Variants in TSPAN18 observed in about 807,000 individuals in gnomAD.
The protein encoded by TSPAN18 is tetraspanin 18.
Under a neutral mutation model 27.3 loss-of-function variants are expected in TSPAN18, and 14 were observed. The ratio of observed to expected loss-of-function variants is 0.51; its 90% CI spans 0.34 to 0.80. The LOEUF (loss-of-function observed/expected upper bound fraction) is 0.80, where lower values mean the gene tolerates loss of function less well. Among genes scored for constraint, TSPAN18 ranks in the 30% least tolerant of loss-of-function variants. The probability of loss-of-function intolerance (pLI) is 0.01; values close to 1 mark genes in which losing one functional copy is unlikely to be tolerated. For missense variants in TSPAN18, 268 were observed against 323.9 expected (o/e 0.83, Z 1.32); for synonymous variants, 143 against 136.5 (o/e 1.05, Z -0.33).
In TSPAN18 at chr11:44,746,207, G is replaced by C. The variant is rs73448568; in HGVS notation, c.-239-18219G>C. On this transcript the variant is annotated intron_variant, in intron 1 of 9. Coordinates refer to ENST00000520358, the MANE Select transcript of TSPAN18 (RefSeq NM_130783.5). ...GGGCACGTTGCTCTCTTCTGTTTTG[G>C]TTCAGAGTTCCTGTTGGGGTTTGAG... Among the ~76,000 whole-genome samples, 3 of 152,064 alleles carry C rather than the reference G, an allele frequency of 2.0e-5. No individual in the cohort carries two copies. In the East Asian group the frequency reaches 5.8e-4, roughly 29 times the overall value.
chr11:44,836,607 C>A (rs557710300), intron 2 of TSPAN18, among the ~76,000 whole-genome samples: 32 of 152,270 alleles, frequency 2.1e-4, no homozygotes, highest in South Asian at 8.3e-4. Context: ...GATGAAACAG[C>A]CTTCTACTGG....
intron 2 of TSPAN18, among the ~76,000 whole-genome samples, chr11:44,773,334 T>G (rs958963125): frequency 4.6e-5 from 7 of 152,070 alleles, no homozygotes; most frequent in African/African-American, 1.4e-4. Flanking sequence ...GAGAATTGCT[T>G]GAACCTGGGA....
intron 1 of TSPAN18, among the ~76,000 whole-genome samples, chr11:44,732,932 AG>A (rs999868284): frequency 6.6e-6 from 1 of 152,190 alleles, no homozygotes; most frequent in Non-Finnish European, 1.5e-5. Context: ...ACGGTCACTC[AG>A]GGACCCAGGC....
intron 8 of TSPAN18, among the ~76,000 whole-genome samples, chr11:44,922,837 G>A (rs968635554): frequency 4.6e-5 from 7 of 152,178 alleles, no homozygotes; most frequent in Non-Finnish European, 7.3e-5. Context: ...GGCCAGGCAC[G>A]TTGGCTCACG....
intron 3 of TSPAN18, among the ~76,000 whole-genome samples, chr11:44,878,379 C>T (rs1170373259): frequency 1.3e-5 from 2 of 152,192 alleles, no homozygotes; most frequent in Admixed American, 6.5e-5. Context: ...GTCTCCATCC[C>T]GGCCTGAGGA....
chr11:44,910,052 C>T (rs972486893), intron 5 of TSPAN18, among the ~76,000 whole-genome samples, 153 bp downstream of exon 5: 7 of 152,172 alleles, frequency 4.6e-5, no homozygotes, highest in Non-Finnish European at 7.3e-5. Flanking sequence ...GAGATGAGCA[C>T]GTCTGACCCC....
intron 3 of TSPAN18, among the ~76,000 whole-genome samples, chr11:44,896,173 C>T (rs1398912751): frequency 2.0e-5 from 3 of 152,088 alleles, no homozygotes; most frequent in African/African-American, 7.2e-5. Context: ...TTTCACCCAC[C>T]ACCCCTTCAC....
chr11:44,745,202 C>T (rs1855043166), intron 1 of TSPAN18, among the ~76,000 whole-genome samples: 1 of 152,292 alleles, frequency 6.6e-6, no homozygotes, highest in East Asian at 1.9e-4. Flanking sequence ...CTGGTTGGTA[C>T]TGTACAGTTG....
intron 2 of TSPAN18, among the ~76,000 whole-genome samples, chr11:44,784,914 CACT>C (rs1285193109): frequency 6.6e-6 from 1 of 152,170 alleles, no homozygotes; most frequent in Admixed American, 6.5e-5. Context: ...AAGGCGACTG[CACT>C]ACTAAGTTTA....
At chr11:44,924,755 A>AG (rs200408651) in intron 8 of TSPAN18, among the ~76,000 whole-genome samples, 2,065 of 102,740 alleles carry the variant, frequency 0.02, 48 homozygotes, top group African/African-American at 0.067. Flanking sequence ...TTCACATGGG[A>AG]GGGGGGAGGG....
chr11:44,732,671 T>A (rs190776526), intron 1 of TSPAN18, among the ~76,000 whole-genome samples: 1 of 152,230 alleles, frequency 6.6e-6, no homozygotes, highest in African/African-American at 2.4e-5. Context: ...ACATGGCTGC[T>A]TATGGAGGGG....
chr11:44,834,670 G>A (rs1166186891), intron 2 of TSPAN18, among the ~76,000 whole-genome samples: 1 of 150,444 alleles, frequency 6.6e-6, no homozygotes, highest in African/African-American at 2.4e-5. Flanking sequence ...CTGCTCAGCT[G>A]TAACCTGGTC....
chr11:44,845,886 C>T lies in TSPAN18; in HGVS notation c.-152-14442C>T, dbSNP rs535957679. On this transcript the variant is annotated intron_variant, in intron 2 of 9. Coordinates refer to ENST00000520358, the MANE Select transcript of TSPAN18 (RefSeq NM_130783.5). ...TGAGCCATCGCCAATGCCAGACCTA[C>T]GGCATTTCCCAAGGCAGCAGGGAAA... Among the ~76,000 whole-genome samples, 274 of 152,328 alleles carry T rather than the reference C, an allele frequency of 1.8e-3. 2 individuals carry two copies. Among genetic ancestry groups the T allele is most frequent in the African/African-American group, 6.4e-3 (267 of 41,574 alleles).
At chr11:44,902,291 C>A (rs1859291130) in intron 3 of TSPAN18, among the ~76,000 whole-genome samples, 1 of 152,210 alleles carries the variant, frequency 6.6e-6, no homozygotes, top group South Asian at 2.1e-4. Context: ...CCCAAAGACA[C>A]AGAGGTAGAA....
chr11:44,838,589 C>T (rs569785393), intron 2 of TSPAN18, among the ~76,000 whole-genome samples: 1 of 152,182 alleles, frequency 6.6e-6, no homozygotes, highest in East Asian at 1.9e-4. Flanking sequence ...TCCTTACAAG[C>T]GGCAAAGGGA....
At chr11:44,853,338 A>T (rs1857649847) in intron 2 of TSPAN18, among the ~76,000 whole-genome samples, 1 of 152,124 alleles carries the variant, frequency 6.6e-6, no homozygotes, top group African/African-American at 2.4e-5. Flanking sequence ...AGATGTTTCC[A>T]GGTAGATGGG....
rs546275175 is a variant in TSPAN18 at position 44,809,932 on chromosome 11, C to T, written c.-153+45420C>T. Among the ~76,000 whole-genome samples, 42 of 152,240 alleles carry T rather than the reference C, an allele frequency of 2.8e-4. No homozygotes were observed. The South Asian group carries it at 8.5e-3, about 31-fold the overall frequency. Reference sequence around the variant, plus strand: ...TAGCACCCACTGGGTCCTCACACAGCCCTGCAAAGCCCCATTTGATGGAGG... The same window carrying T: ...TAGCACCCACTGGGTCCTCACACAGTCCTGCAAAGCCCCATTTGATGGAGG... On this transcript the variant is annotated intron_variant, in intron 2 of 9. Coordinates refer to ENST00000520358, the MANE Select transcript of TSPAN18 (RefSeq NM_130783.5).
intron 9 of TSPAN18, among the ~76,000 whole-genome samples, chr11:44,927,377 G>A (rs1382535801): frequency 2.0e-5 from 3 of 152,202 alleles, no homozygotes; most frequent in South Asian, 2.1e-4. Context: ...TGGACAGAGC[G>A]TTGCCCACAT....
chr11:44,854,161 A>T (rs1479877355), intron 2 of TSPAN18, among the ~76,000 whole-genome samples: 1 of 115,974 alleles, frequency 8.6e-6, no homozygotes, highest in Non-Finnish European at 1.6e-5. Context: ...CCTGTGCCAC[A>T]TGCAGAGCTC....
Sources: allele counts gnomAD v4.1 joint callset (sites outside exome capture counted in the v4.1 genomes callset), GRCh38; gene constraint gnomAD v4.1.1; transcripts MANE v1.5; gene names NCBI Gene and HGNC (gene_info 2026-07-23, HGNC 2026-07-21).